DPF3: variants seen among roughly 807,000 people sequenced by gnomAD.
DPF3 encodes zinc finger protein DPF3.
Under a neutral mutation model 56.8 loss-of-function variants are expected in DPF3, and 18 were observed. The observed-to-expected ratio is 0.32, with a 90% CI of 0.22 to 0.47. The LOEUF is 0.47. DPF3 is among the 20% of genes least tolerant of loss of function. DPF3 has a pLI of 1.00. For synonymous variants in DPF3, 188 were observed against 180.2 expected (o/e 1.04, Z -0.35); for missense variants, 403 against 488.8 (o/e 0.82, Z 1.65).
intron 6 of DPF3, among the ~76,000 whole-genome samples, chr14:72,706,480 C>T (rs568808288): frequency 4.6e-5 from 7 of 152,340 alleles, no homozygotes; most frequent in South Asian, 2.1e-4. Context: ...GCACATGCCA[C>T]GTGCAAAGCT....
intron 1 of DPF3, among the ~76,000 whole-genome samples, chr14:72,889,114 G>A (rs1020923173): frequency 1.3e-5 from 2 of 152,208 alleles, no homozygotes; most frequent in African/African-American, 2.4e-5. Context: ...TCCAAAAAGA[G>A]GAGGATGAGA....
In DPF3 at chr14:72,866,631, C is replaced by T. The variant is rs1041012223; in HGVS notation, c.32+27426G>A. 1.6e-4 allele frequency among the ~76,000 whole-genome samples: 24 copies of T among 150,232 alleles called. 1 individual carries two copies. The highest frequency in any genetic ancestry group is 5.1e-4 in the African/African-American group (21 of 41,142). On this transcript the variant is annotated intron_variant, in intron 1 of 10. Coordinates refer to ENST00000556509, the MANE Select transcript of DPF3 (RefSeq NM_001280542.3). ...CAGCACTTTGGGAGGCCGAGGAGGG[C>T]GGATCACCTGAGGTTGGGAGTTTGA... is the stretch of plus-strand genomic sequence containing the variant.
intron 8 of DPF3, among the ~76,000 whole-genome samples, chr14:72,642,135 G>A (rs1885581689): frequency 6.6e-6 from 1 of 152,224 alleles, no homozygotes; most frequent in Admixed American, 6.5e-5. Flanking sequence ...TGAGATGCCT[G>A]CAGCCTTGGC....
intron 1 of DPF3, among the ~76,000 whole-genome samples, chr14:72,836,669 C>G (rs1278631308): frequency 6.6e-6 from 1 of 152,092 alleles, no homozygotes; most frequent in Non-Finnish European, 1.5e-5. Flanking sequence ...CTTGTCTTAT[C>G]TCGATCTGGG....
intron 1 of DPF3, among the ~76,000 whole-genome samples, chr14:72,786,119 C>A (rs935169249): frequency 6.6e-6 from 1 of 152,118 alleles, no homozygotes; most frequent in African/African-American, 2.4e-5. Flanking sequence ...AAAAATTAGC[C>A]AGGCATGGTG....
chr14:72,619,462 GA>G, intron 10 of DPF3, 95 bp from the exon 11 acceptor site: 1 of 1,400,592 alleles, frequency 7.1e-7, no homozygotes, highest in Non-Finnish European at 9.7e-7. Context: ...TGTTTCCTTT[GA>G]ACTTTGGCAA....
In DPF3 at chr14:72,647,493, C is replaced by G. The variant is rs535446677; in HGVS notation, c.872-17757G>C. The stretch of plus-strand genomic sequence containing the variant: ...AGCAACTTGAGACAGGCACCATATA[C>G]TCTCTCCCCAAGATAAGATCTTTTA... On this transcript the variant is annotated intron_variant, in intron 8 of 10. Coordinates refer to ENST00000556509, the MANE Select transcript of DPF3 (RefSeq NM_001280542.3). 5.3e-5 allele frequency among the ~76,000 whole-genome samples: 8 copies of G among 152,324 alleles called. No homozygotes were observed. The South Asian group carries it at 1.5e-3, about 28-fold the overall frequency.
chr14:72,856,580 C>T (rs1885176950), intron 1 of DPF3, among the ~76,000 whole-genome samples: 1 of 152,152 alleles, frequency 6.6e-6, no homozygotes, highest in Admixed American at 6.5e-5. Context: ...GAGCATGGAT[C>T]CCACCCACAG....
At chr14:72,662,841 G>A (rs1886271900) in intron 8 of DPF3, 1 of 984,648 alleles carries the variant, frequency 1.0e-6, no homozygotes, top group Non-Finnish European at 1.2e-6. Flanking sequence ...TGACTGCAGA[G>A]GGAAAGGCAA....
At chr14:72,798,445 A>C (rs1892728634) in intron 1 of DPF3, among the ~76,000 whole-genome samples, 1 of 152,130 alleles carries the variant, frequency 6.6e-6, no homozygotes, top group Non-Finnish European at 1.5e-5. Flanking sequence ...TACATGTATG[A>C]AACCAAGATA....
intron 8 of DPF3, chr14:72,661,023 G>A (rs1490906652): frequency 6.1e-6 from 6 of 984,646 alleles, no homozygotes; most frequent in Non-Finnish European, 7.2e-6. Context: ...GGTTGGTCAA[G>A]CAAATTTTAC....
chr14:72,836,339 A>G, intron 1 of DPF3: 3 of 985,538 alleles, frequency 3.0e-6, no homozygotes, highest in Non-Finnish European at 3.6e-6. Flanking sequence ...CCGAATGTGA[A>G]TGCTTCCAGG....
In DPF3 at chr14:72,755,950, T is replaced by C. The variant is rs1038437222; in HGVS notation, c.194-2579A>G. Among the ~76,000 whole-genome samples the C allele has an allele frequency of 2.6e-5, 4 of 152,176 alleles. No individual in the cohort carries two copies. The East Asian group carries it at 7.7e-4, about 29-fold the overall frequency. On this transcript the variant is annotated intron_variant, in intron 2 of 10. Coordinates refer to ENST00000556509, the MANE Select transcript of DPF3 (RefSeq NM_001280542.3). ...AGGGCCCCATGAGACTTATGTTGTT[T>C]ATCTCAGAACAGGAGGCAGATAACT...
chr14:72,668,839 T>C (rs1276048958), intron 8 of DPF3, among the ~76,000 whole-genome samples: 1 of 152,202 alleles, frequency 6.6e-6, no homozygotes, highest in Non-Finnish European at 1.5e-5. Flanking sequence ...TGTAATCCCA[T>C]GAATCCAATA....
chr14:72,688,511 T>C (rs1190636929), intron 7 of DPF3, among the ~76,000 whole-genome samples: 2 of 149,886 alleles, frequency 1.3e-5, no homozygotes, highest in African/African-American at 2.5e-5. Flanking sequence ...GTTCAAAGAG[T>C]TTAACATCAC....
chr14:72,715,288 C>G (rs1047453425), intron 5 of DPF3, among the ~76,000 whole-genome samples: 23 of 152,206 alleles, frequency 1.5e-4, no homozygotes, highest in Non-Finnish European at 2.9e-4. Context: ...AATCAAAGAG[C>G]CCAGTCAGAG....
chr14:72,877,968 TGAG>T (rs1235218423), intron 1 of DPF3, among the ~76,000 whole-genome samples: 2 of 152,204 alleles, frequency 1.3e-5, no homozygotes, highest in African/African-American at 2.4e-5. Flanking sequence ...GAACTGGGAT[TGAG>T]GGAGACTTAC....
At chr14:72,769,550 T>C (rs1232308025) in intron 2 of DPF3, among the ~76,000 whole-genome samples, 4 of 151,830 alleles carry the variant, frequency 2.6e-5, no homozygotes, top group Non-Finnish European at 4.4e-5. Context: ...TGTGGTGGCA[T>C]GTGCCTGTAG....
chr14:72,684,685 G>C (rs965938513), intron 7 of DPF3, among the ~76,000 whole-genome samples: 18 of 152,114 alleles, frequency 1.2e-4, no homozygotes, highest in African/African-American at 3.9e-4. Flanking sequence ...TTGTAATGCA[G>C]GGGTGGGGTC....
Sources: allele counts gnomAD v4.1 joint callset (sites outside exome capture counted in the v4.1 genomes callset), GRCh38; gene constraint gnomAD v4.1.1; transcripts MANE v1.5; gene names NCBI Gene and HGNC (gene_info 2026-07-23, HGNC 2026-07-21).